The following KHDRBS1 variants were observed in gnomAD, a reference collection of about 807,000 sequenced individuals.
The protein encoded by KHDRBS1 is KH domain-containing, RNA-binding, signal transduction-associated protein 1.
A neutral mutation model predicts 48.4 loss-of-function variants in KHDRBS1; 7 were observed. The ratio of observed to expected loss-of-function variants is 0.14; its 90% confidence interval spans 0.08 to 0.27. The LOEUF is 0.27. KHDRBS1 is among the 10% of genes least tolerant of loss of function. The probability of loss-of-function intolerance (pLI) is 1.00; values close to 1 mark genes in which losing one functional copy is unlikely to be tolerated. For missense variants in KHDRBS1, 458 were observed against 601.2 expected, an observed-to-expected ratio of 0.76 and a Z score of 2.49; for synonymous variants, 241 against 235.8, an observed-to-expected ratio of 1.02 and a Z score of -0.20.
At chr1:32,059,942 C>T (rs995973191) in intron 10 of KHDRBS1, among the ~76,000 whole-genome samples, 1 of 152,162 alleles carries the variant, frequency 6.6e-6, no homozygotes, top group Non-Finnish European at 1.5e-5. Flanking sequence ...GAGCGTGAGA[C>T]TGCATTTTCA....
intron 4 of KHDRBS1, among the ~76,000 whole-genome samples, chr1:32,035,472 A>G (rs1639158314): frequency 6.6e-6 from 1 of 152,206 alleles, no homozygotes; most frequent in Non-Finnish European, 1.5e-5. Context: ...AATGGCTCTC[A>G]ATAGGAAGTG....
chr1:32,015,357 T>A (rs926342063), intron 1 of KHDRBS1, among the ~76,000 whole-genome samples: 1 of 152,242 alleles, frequency 6.6e-6, no homozygotes, highest in Admixed American at 6.5e-5. Flanking sequence ...TAATATTTTT[T>A]ATGATACCTA....
chr1:32,044,613 T>G (rs1471617272), downstream of KHDRBS1, among the ~76,000 whole-genome samples: 1 of 152,206 alleles, frequency 6.6e-6, no homozygotes, highest in African/African-American at 2.4e-5. Flanking sequence ...TTTTTTTTTC[T>G]TTTTAAAACA....
chr1:32,015,908 C>A (rs1381044758), intron 1 of KHDRBS1, among the ~76,000 whole-genome samples: 1 of 152,136 alleles, frequency 6.6e-6, no homozygotes, highest in Non-Finnish European at 1.5e-5. Flanking sequence ...GGGGCAGGCG[C>A]GGTGGCTCAC....
chr1:32,040,823 G>C (rs1639270194), intron 8 of KHDRBS1, among the ~76,000 whole-genome samples: 1 of 152,316 alleles, frequency 6.6e-6, no homozygotes, highest in South Asian at 2.1e-4. Context: ...AGCTGAAAAA[G>C]AGGAGCCCCT....
At chr1:32,055,940 T>C (rs941508770) in intron 10 of KHDRBS1, among the ~76,000 whole-genome samples, 1 of 152,206 alleles carries the variant, frequency 6.6e-6, no homozygotes, top group African/African-American at 2.4e-5. Flanking sequence ...CAGTCTCATC[T>C]AGTGTTCTGC....
rs138790060 is a variant in KHDRBS1, at chr1:32,037,703, C to T, written c.906-132C>T. On this transcript the variant is annotated intron_variant, in intron 5 of 8. Coordinates refer to ENST00000327300, the MANE Select transcript of KHDRBS1 (RefSeq NM_006559.3). ...GTGTGGGTCCTTTACCCTGTACATTCCTCTGTGCTTTAATAATAGCCTAGT... is the reference window on the plus strand; with the variant it reads ...GTGTGGGTCCTTTACCCTGTACATTTCTCTGTGCTTTAATAATAGCCTAGT... 4.1e-6 allele frequency: 4 copies of T among 985,904 alleles called. No individual in the cohort carries two copies. The African/African-American group carries it at 6.4e-5, about 16-fold the overall frequency. The allele number at this position is 985,904 out of a possible 1,614,324, so 61.1% of individuals were successfully genotyped here.
chr1:32,040,021 T>TCTCA (rs1639253055), intron 8 of KHDRBS1, among the ~76,000 whole-genome samples: 1 of 151,672 alleles, frequency 6.6e-6, no homozygotes, highest in Non-Finnish European at 1.5e-5. Flanking sequence ...AAAAAAAAAA[T>TCTCA]TTAGATCTCA....
At chr1:32,016,520 A>G (rs184101636) in intron 1 of KHDRBS1, among the ~76,000 whole-genome samples, 4 of 152,310 alleles carry the variant, frequency 2.6e-5, no homozygotes, top group Admixed American at 2.6e-4. Context: ...ACCAAAAAAA[A>G]AAAAGTATAT....
chr1:32,014,312 A>T lies in KHDRBS1; in HGVS notation c.317A>T (p.Glu106Val), dbSNP rs1638690590. The T allele has an allele frequency of 6.4e-7, 1 of 1,558,576 alleles. No homozygotes were observed. Among genetic ancestry groups the T allele is most frequent in the Non-Finnish European group, 8.7e-7 (1 of 1,152,116 alleles). ...KMEPENKYLP[E>V]LMAEKDSLDP... ...GAGCCAGAGAACAAGTACCTGCCCG[A>T]ACTCATGGCCGAGAAGGACTCGCTC... is the stretch of plus-strand genomic sequence containing the variant. Residue 106 changes from glutamate to valine, a missense_variant, in exon 1 of 9, where the codon GAA (glutamate) becomes GTA (valine). Glu to Val is a moderately radical substitution (Grantham distance 121). Transcript: ENST00000327300.
rs1639245530 is a variant in KHDRBS1, at chr1:32,039,571, A to T, written c.1232A>T (p.Tyr411Phe). Residue 411 changes from tyrosine to phenylalanine, a missense_variant and splice_region_variant, in exon 8 of 9, where the codon TAT becomes TTT. Coordinates refer to ENST00000327300, the MANE Select transcript of KHDRBS1 (RefSeq NM_006559.3). ...HGEVQDSYEA[Y>F]GQDDWNGTRP... ...GAGGTTCAAGATTCTTATGAAGCTT[A>T]TGGTATGTCTTTATCTCTGTGGTGG... 1 of 1,472,930 alleles carries T rather than the reference A, an allele frequency of 6.8e-7. No individual in the cohort carries two copies. The highest frequency in any genetic ancestry group is 1.1e-5 in the South Asian group (1 of 88,166). 91.2% of individuals were successfully genotyped at this position (1,472,930 alleles called of 1,614,324 possible). A position where few individuals can be genotyped will look rare whatever the true frequency, so the allele number is the denominator to read the frequency against.
chr1:32,032,456 T>TC (rs1639099537), intron 3 of KHDRBS1, among the ~76,000 whole-genome samples: 1 of 152,140 alleles, frequency 6.6e-6, no homozygotes, highest in African/African-American at 2.4e-5. Context: ...CCCCTACCAC[T>TC]CCCTAGACCA....
chr1:32,050,410 C>CT (rs1639404440), intron 10 of KHDRBS1, among the ~76,000 whole-genome samples: 1 of 151,922 alleles, frequency 6.6e-6, no homozygotes, highest in South Asian at 2.1e-4. Context: ...CTGTTTTTTT[C>CT]TTTTTTGTCA....
intron 10 of KHDRBS1, among the ~76,000 whole-genome samples, chr1:32,049,322 T>C (rs514219): frequency 6.6e-6 from 1 of 152,104 alleles, no homozygotes; most frequent in African/African-American, 2.4e-5. Flanking sequence ...TTCCAAAGTT[T>C]GGGATTACAG....
At chr1:32,051,429 G>A (rs2124399149) in intron 10 of KHDRBS1, among the ~76,000 whole-genome samples, 1 of 152,280 alleles carries the variant, frequency 6.6e-6, no homozygotes, top group Middle Eastern at 3.4e-3. Context: ...TTACATCACT[G>A]AGAGTTTGTA....
chr1:32,040,886 A>C (rs960601196), intron 8 of KHDRBS1, among the ~76,000 whole-genome samples: 21 of 152,180 alleles, frequency 1.4e-4, no homozygotes, highest in African/African-American at 5.1e-4. Flanking sequence ...AGTATGAAGT[A>C]GCCAATCAGC....
chr1:32,049,424 CTTTTT>C (rs200632932), intron 10 of KHDRBS1, among the ~76,000 whole-genome samples: 1 of 140,932 alleles, frequency 7.1e-6, no homozygotes, highest in Non-Finnish European at 1.6e-5. Flanking sequence ...CTACTTTGTT[CTTTTT>C]TTTTTTTTTA....
chr1:32,034,118 A>G (rs1056288147), intron 4 of KHDRBS1, among the ~76,000 whole-genome samples: 2 of 152,228 alleles, frequency 1.3e-5, no homozygotes, highest in African/African-American at 4.8e-5. Flanking sequence ...AGGATTTGGA[A>G]TATTATTAAG....
chr1:32,014,150 G>T lies in KHDRBS1; in HGVS notation c.155G>T (p.Arg52Leu). The change falls in exon 1 of 9, where the codon CGC becomes CTC. Residue 52 changes from arginine (R) to leucine (L), a missense_variant. Physicochemically the swap from Arg to Leu is moderately radical, Grantham distance 102. Transcript: ENST00000327300. ...HRSRGGGGGS[R>L]GGARASPATQ... ...TCCCGGGGAGGCGGAGGGGGATCCCGCGGGGGCGCCCGGGCCTCGCCCGCC... is the reference window on the plus strand; with the variant it reads ...TCCCGGGGAGGCGGAGGGGGATCCCTCGGGGGCGCCCGGGCCTCGCCCGCC... The T allele has an allele frequency of 7.7e-7, 1 of 1,306,574 alleles. No homozygotes were observed. The highest frequency in any genetic ancestry group is 9.7e-7 in the Non-Finnish European group (1 of 1,029,004). The allele number at this position is 1,306,574 out of a possible 1,614,324, so 80.9% of individuals were successfully genotyped here. A position where few individuals can be genotyped will look rare whatever the true frequency, so the allele number is the denominator to read the frequency against.
Sources: allele counts gnomAD v4.1 joint callset (sites outside exome capture counted in the v4.1 genomes callset), GRCh38; gene constraint gnomAD v4.1.1; transcripts MANE v1.5; gene names NCBI Gene and HGNC (gene_info 2026-07-23, HGNC 2026-07-21).